The following TAMM41 variants were observed in gnomAD, a reference collection of about 807,000 sequenced individuals.
The protein encoded by TAMM41 is phosphatidate cytidylyltransferase, mitochondrial.
Under a neutral mutation model 44.1 loss-of-function variants are expected in TAMM41, and 36 were observed. That is an observed-to-expected ratio of 0.82 (90% CI 0.63 to 1.08). The LOEUF (loss-of-function observed/expected upper bound fraction) is 1.08, where lower values mean the gene tolerates loss of function less well. TAMM41 is among the 50% of genes least tolerant of loss of function. The probability of loss-of-function intolerance (pLI) is 0.00; values close to 1 mark genes in which losing one functional copy is unlikely to be tolerated. For missense variants in TAMM41, 417 were observed against 404.3 expected (o/e 1.03, Z -0.27); for synonymous variants, 164 against 153.1 (o/e 1.07, Z -0.53).
In TAMM41 at chr3:11,846,548, T is replaced by C. The variant is rs2079702724; in HGVS notation, c.89A>G (p.Tyr30Cys). The C allele has an allele frequency of 6.2e-7, 1 of 1,614,186 alleles. No homozygotes were observed. The highest frequency in any genetic ancestry group is 8.5e-7 in the Non-Finnish European group (1 of 1,180,034). ...TGCCTGGCGGTACACCCCGGAGCCG[T>C]AGACGAAAGCCAGACTCAGCTCCTC... is the stretch of plus-strand genomic sequence containing the variant. ...FPEELSLAFVYGSGVYRQAGP... is the reference protein window; with the variant it reads ...FPEELSLAFVCGSGVYRQAGP... Residue 30 changes from tyrosine (Y) to cysteine (C), a missense_variant, in exon 1 of 8, where the codon TAC becomes TGC. Transcript: ENST00000455809.
At chr3:11,806,993 T>C (rs1185702276) in intron 7 of TAMM41, among the ~76,000 whole-genome samples, 1 of 152,198 alleles carries the variant, frequency 6.6e-6, no homozygotes, top group African/African-American at 2.4e-5. Context: ...GTATTAACTA[T>C]GGGTGAAGAC....
the TAMM41 span, among the ~76,000 whole-genome samples, chr3:11,760,542 T>TTTTGTTTTGTTTTG: frequency 1.3e-5 from 2 of 150,762 alleles, no homozygotes; most frequent in Admixed American, 1.3e-4. Context: ...TAAGTACAAT[T>TTTTGTTTTGTTTTG]TTTTGTTTTG....
the TAMM41 span, among the ~76,000 whole-genome samples, chr3:11,734,101 C>T: frequency 2.6e-5 from 4 of 152,134 alleles, no homozygotes; most frequent in African/African-American, 7.2e-5. Flanking sequence ...AATGTAGTTC[C>T]GGGGTGGGCA....
At chr3:11,832,869 A>T (rs926879820) in intron 3 of TAMM41, 1 of 466,370 alleles carries the variant, frequency 2.1e-6, no homozygotes, top group Non-Finnish European at 2.8e-6. Flanking sequence ...TGCAAAGAAA[A>T]GACTAAGTCT....
the TAMM41 span, among the ~76,000 whole-genome samples, chr3:11,763,820 T>C: frequency 1.3e-5 from 2 of 152,226 alleles, no homozygotes; most frequent in Admixed American, 6.5e-5. Context: ...CAGATCTTTC[T>C]TTCCATTTCT....
At chr3:11,830,282 C>T (rs1326112923) in intron 3 of TAMM41, among the ~76,000 whole-genome samples, 1 of 152,106 alleles carries the variant, frequency 6.6e-6, no homozygotes. Flanking sequence ...ATAGGAAGTT[C>T]ATGCTCTATT....
intron 4 of TAMM41, among the ~76,000 whole-genome samples, chr3:11,819,257 G>A (rs1238241991): frequency 6.6e-6 from 1 of 152,256 alleles, no homozygotes; most frequent in African/African-American, 2.4e-5. Flanking sequence ...AACGTTTACC[G>A]AGCATCTGGT....
In TAMM41 at chr3:11,844,342, G is replaced by A. The variant is rs534191516; in HGVS notation, c.136-131C>T. On this transcript the variant is annotated intron_variant, in intron 1 of 7. Coordinates refer to ENST00000455809, the MANE Select transcript of TAMM41 (RefSeq NM_001284401.2). The stretch of plus-strand genomic sequence containing the variant: ...AAGGCCTGGTGCTGTCATCAGAAAT[G>A]TGAGCGAGTCTCTGGAACAAATATG... The A allele has an allele frequency of 1.1e-4, 81 of 748,074 alleles. 1 individual carries two copies. The highest frequency in any genetic ancestry group is 4.3e-4 in the East Asian group (16 of 37,188). 46.3% of individuals were successfully genotyped at this position (748,074 alleles called of 1,614,324 possible). A position where few individuals can be genotyped will look rare whatever the true frequency, so the allele number is the denominator to read the frequency against.
chr3:11,832,798 A>G (rs2079033752), intron 3 of TAMM41, among the ~76,000 whole-genome samples: 1 of 152,140 alleles, frequency 6.6e-6, no homozygotes, highest in African/African-American at 2.4e-5. Context: ...TCTGTTTTTG[A>G]TGGCTTTTAC....
intron 2 of TAMM41, among the ~76,000 whole-genome samples, chr3:11,842,795 C>T (rs567819969): frequency 1.3e-5 from 2 of 152,286 alleles, no homozygotes; most frequent in South Asian, 2.1e-4. Context: ...GGCTCGATGC[C>T]GGCCAAAGCC....
chr3:11,829,948 T>G (rs1266273103), intron 3 of TAMM41, 84 bp from the exon 4 acceptor site: 1 of 1,338,502 alleles, frequency 7.5e-7, no homozygotes, highest in Non-Finnish European at 1.1e-6. Flanking sequence ...TGGAACTATC[T>G]CAAACTCTCT....
At chr3:11,758,739 T>C in the TAMM41 span, among the ~76,000 whole-genome samples, 2 of 151,926 alleles carry the variant, frequency 1.3e-5, no homozygotes, top group African/African-American at 4.8e-5. Context: ...AGTGGTACTA[T>C]CTCAGCTCAC....
intron 5 of TAMM41, among the ~76,000 whole-genome samples, chr3:11,816,026 G>A (rs1042645423): frequency 1.1e-4 from 16 of 152,262 alleles, no homozygotes; most frequent in African/African-American, 3.6e-4. Flanking sequence ...AAACTGAGTG[G>A]TGGGTATTCT....
chr3:11,795,964 A>G (rs1168040241), intron 7 of TAMM41, among the ~76,000 whole-genome samples: 1 of 152,200 alleles, frequency 6.6e-6, no homozygotes, highest in Non-Finnish European at 1.5e-5. Flanking sequence ...TTATTCTACT[A>G]GCAGCACAGT....
the TAMM41 span, among the ~76,000 whole-genome samples, chr3:11,770,251 T>C: frequency 1.7e-4 from 26 of 152,048 alleles, no homozygotes; most frequent in African/African-American, 6.0e-4. Context: ...CATCAGTCAG[T>C]GTGGGGTGGA....
the TAMM41 span, among the ~76,000 whole-genome samples, chr3:11,745,598 T>C: frequency 6.6e-6 from 1 of 152,136 alleles, no homozygotes; most frequent in East Asian, 1.9e-4. Context: ...TACTGTATAT[T>C]TCCACATCTA....
chr3:11,833,295 G>C, intron 3 of TAMM41: 2 of 492,650 alleles, frequency 4.1e-6, no homozygotes, highest in South Asian at 4.5e-5. Context: ...TTGGCTTAAA[G>C]GGACTTTCAA....
At chr3:11,770,749 C>T in the TAMM41 span, among the ~76,000 whole-genome samples, 3 of 152,134 alleles carry the variant, frequency 2.0e-5, no homozygotes, top group Non-Finnish European at 4.4e-5. Flanking sequence ...GAAGTACGAG[C>T]GACAGCCTAC....
intron 5 of TAMM41, chr3:11,810,157 T>C (rs1319251364): frequency 6.5e-6 from 1 of 153,550 alleles, no homozygotes; most frequent in East Asian, 1.9e-4. Flanking sequence ...TAGGGCCTTT[T>C]AGTATGCTGT....
Sources: allele counts gnomAD v4.1 joint callset (sites outside exome capture counted in the v4.1 genomes callset), GRCh38; gene constraint gnomAD v4.1.1; transcripts MANE v1.5; gene names NCBI Gene and HGNC (gene_info 2026-07-23, HGNC 2026-07-21).